The following SEMA3D variants were observed in gnomAD, a reference collection of about 807,000 sequenced individuals.
SEMA3D encodes semaphorin-3D.
Under a neutral mutation model 100.1 loss-of-function variants are expected in SEMA3D, and 84 were observed. That is an observed-to-expected ratio of 0.84 (90% CI 0.70 to 1.01). The LOEUF (loss-of-function observed/expected upper bound fraction) is 1.01. SEMA3D is among the 50% of genes least tolerant of loss of function. The pLI is 0.00. For missense variants in SEMA3D, 875 were observed against 934.1 expected (o/e 0.94, Z 0.82); for synonymous variants, 312 against 320.7 (o/e 0.97, Z 0.29).
At chr7:85,126,561 A>T (rs571641521) in intron 2 of SEMA3D, among the ~76,000 whole-genome samples, 41 of 152,200 alleles carry the variant, frequency 2.7e-4, no homozygotes, top group Non-Finnish European at 5.3e-4. Flanking sequence ...TTCAGAAAGC[A>T]CAAGGAAATA....
Position 84,996,554 on chromosome 7 carries a change from T to C in SEMA3D, c.*2886A>G, listed in dbSNP as rs1789506162. On this transcript the variant is annotated 3_prime_UTR_variant, in exon 19 of 19. Transcript: ENST00000284136. ...TTTTGAGCTCTTTGGAAAAAAGGAC[T>C]CTACATAAATTAATTAGACAATTCA... The C allele has an allele frequency of 6.6e-6, 1 of 152,308 alleles. No homozygotes were observed. The allele number at this position is 152,308 out of a possible 1,614,324, so 9.4% of individuals were successfully genotyped here.
At chr7:85,211,445 T>C in the SEMA3D span, among the ~76,000 whole-genome samples, 1 of 152,064 alleles carries the variant, frequency 6.6e-6, no homozygotes, top group Non-Finnish European at 1.5e-5. Context: ...ATATTGATAC[T>C]TGAATTATGA....
At chr7:85,168,617 A>ATTTTTT (rs3076565) in intron 1 of SEMA3D, among the ~76,000 whole-genome samples, 2 of 135,350 alleles carry the variant, frequency 1.5e-5, no homozygotes, top group African/African-American at 2.7e-5. Context: ...GGTTTCTGCA[A>ATTTTTT]TTTTTTTTTT....
the SEMA3D span, among the ~76,000 whole-genome samples, chr7:85,195,271 C>A: frequency 1.3e-5 from 2 of 152,012 alleles, no homozygotes; most frequent in Admixed American, 1.3e-4. Flanking sequence ...GACATTAGTA[C>A]CTTGCTTCTG....
In SEMA3D at chr7:84,998,244, A is replaced by C. The variant is rs1789557883; in HGVS notation, c.*1196T>G. The stretch of plus-strand genomic sequence containing the variant: ...ATTGTTTTCTCCTATTCACTCAAAT[A>C]TAATCACAAAATCCAATATACAGGA... On this transcript the variant is annotated 3_prime_UTR_variant, in exon 19 of 19. Coordinates refer to ENST00000284136, the MANE Select transcript of SEMA3D (RefSeq NM_001384900.1). 6.6e-6 allele frequency: 1 copy of C among 152,278 alleles called. No individual in the cohort carries two copies. The highest frequency in any genetic ancestry group is 6.5e-5 in the Admixed American group (1 of 15,298). 9.4% of individuals were successfully genotyped at this position (152,278 alleles called of 1,614,324 possible).
At chr7:85,017,633 C>G (rs1790141622) in intron 15 of SEMA3D, among the ~76,000 whole-genome samples, 1 of 151,566 alleles carries the variant, frequency 6.6e-6, no homozygotes, top group South Asian at 2.1e-4. Flanking sequence ...TCTCTTGAAA[C>G]AATTGTAATT....
At chr7:85,036,813 C>G (rs1790710341) in intron 12 of SEMA3D, 76 bp downstream of exon 12, 1 of 1,216,528 alleles carries the variant, frequency 8.2e-7, no homozygotes, top group Non-Finnish European at 1.1e-6. Context: ...TGGTGAATAG[C>G]AGAATTTATT....
At chr7:85,189,691 A>G (rs896935555), upstream of SEMA3D, among the ~76,000 whole-genome samples, 2 of 152,192 alleles carry the variant, frequency 1.3e-5, no homozygotes, top group African/African-American at 4.8e-5. Context: ...AAGAAAACAA[A>G]TAACTTTCAT....
At chr7:85,169,747 T>A (rs1364660400) in intron 1 of SEMA3D, among the ~76,000 whole-genome samples, 1 of 151,808 alleles carries the variant, frequency 6.6e-6, no homozygotes, top group Non-Finnish European at 1.5e-5. Flanking sequence ...GATTTTAGAT[T>A]CTTTTTTCAA....
chr7:85,185,219 C>A (rs531183064), intron 1 of SEMA3D, among the ~76,000 whole-genome samples: 1 of 152,166 alleles, frequency 6.6e-6, no homozygotes, highest in East Asian at 2.0e-4. Context: ...CCCCTGCCCC[C>A]GCGGTTGCCA....
At chr7:85,196,496 G>A in the SEMA3D span, among the ~76,000 whole-genome samples, 1 of 151,986 alleles carries the variant, frequency 6.6e-6, no homozygotes, top group African/African-American at 2.4e-5. Flanking sequence ...GTCATCAAAA[G>A]AAACAATTAA....
intron 2 of SEMA3D, among the ~76,000 whole-genome samples, chr7:85,138,655 A>AATATATATATATAAT (rs57748241): frequency 2.1e-5 from 3 of 144,256 alleles, no homozygotes; most frequent in African/African-American, 7.6e-5. Context: ...TATTTAATTT[A>AATATATATATATAAT]ATATATATAT....
the SEMA3D span, among the ~76,000 whole-genome samples, chr7:85,243,395 C>G: frequency 6.6e-6 from 1 of 152,110 alleles, no homozygotes; most frequent in African/African-American, 2.4e-5. Context: ...CACACTAATT[C>G]TCCAGCAACT....
chr7:85,048,909 G>C (rs572181043), intron 9 of SEMA3D, among the ~76,000 whole-genome samples: 1 of 151,692 alleles, frequency 6.6e-6, no homozygotes, highest in Non-Finnish European at 1.5e-5. Flanking sequence ...TACTTTCTTT[G>C]GCAACTTAAA....
chr7:85,068,371 C>A (rs754283603), intron 6 of SEMA3D, 87 bp from the exon 7 acceptor site: 7 of 737,304 alleles, frequency 9.5e-6, no homozygotes, highest in Non-Finnish European at 1.7e-5. Flanking sequence ...AATTCCAACT[C>A]ATGAATTTGA....
intron 8 of SEMA3D, among the ~76,000 whole-genome samples, chr7:85,058,747 C>CAA (rs67267318): frequency 9.3e-4 from 60 of 64,208 alleles, no homozygotes; most frequent in African/African-American, 1.5e-3. Flanking sequence ...GACTCCACTA[C>CAA]AAAAAAAAAA....
At chr7:85,214,278 C>T in the SEMA3D span, among the ~76,000 whole-genome samples, 1 of 152,064 alleles carries the variant, frequency 6.6e-6, no homozygotes, top group Non-Finnish European at 1.5e-5. Flanking sequence ...TTCTTTGGTA[C>T]TAACACTAGT....
chr7:85,174,594 T>C (rs762497329), intron 1 of SEMA3D, among the ~76,000 whole-genome samples: 1 of 152,088 alleles, frequency 6.6e-6, no homozygotes, highest in Non-Finnish European at 1.5e-5. Context: ...GTAACAACCA[T>C]TTGGTTTGTA....
At chr7:85,015,013 A>G (rs376319427) in intron 16 of SEMA3D, 46 bp downstream of exon 16, 8 of 1,448,904 alleles carry the variant, frequency 5.5e-6, no homozygotes, top group African/African-American at 4.2e-5. Flanking sequence ...TGAGATATTC[A>G]GCTTGTAGAA....
Sources: allele counts gnomAD v4.1 joint callset (sites outside exome capture counted in the v4.1 genomes callset), GRCh38; gene constraint gnomAD v4.1.1; transcripts MANE v1.5; gene names NCBI Gene and HGNC (gene_info 2026-07-23, HGNC 2026-07-21).